The following TMEM108 variants were observed in gnomAD, a reference collection of about 807,000 sequenced individuals.
The protein encoded by TMEM108 is transmembrane protein 108, also known as cancer/testis antigen 124.
A neutral mutation model predicts 35.1 loss-of-function variants in TMEM108; 12 were observed. That is an observed-to-expected ratio of 0.34 (90% CI 0.22 to 0.55). The LOEUF (loss-of-function observed/expected upper bound fraction) is 0.55. TMEM108 is among the 20% of genes least tolerant of loss of function. TMEM108 has a pLI of 0.89. For synonymous variants in TMEM108, 287 were observed against 308.6 expected, an observed-to-expected ratio of 0.93 and a Z score of 0.73; for missense variants, 680 against 753.3, an observed-to-expected ratio of 0.90 and a Z score of 1.14.
intron 2 of TMEM108, among the ~76,000 whole-genome samples, chr3:133,157,323 T>C (rs1356503160): frequency 6.6e-6 from 1 of 152,206 alleles, no homozygotes; most frequent in Non-Finnish European, 1.5e-5. Flanking sequence ...AAAAGTTTAA[T>C]TGGAGGGAAA....
chr3:133,072,550 A>G (rs78048106), intron 2 of TMEM108, among the ~76,000 whole-genome samples: 4,203 of 152,244 alleles, frequency 0.028, 104 homozygotes, highest in South Asian at 0.061. Context: ...AACACAGAAT[A>G]CACGTGGCCA....
chr3:133,226,010 A>G (rs938092973), intron 2 of TMEM108, among the ~76,000 whole-genome samples: 3 of 152,244 alleles, frequency 2.0e-5, no homozygotes, highest in African/African-American at 4.8e-5. Context: ...ACATCAGTCA[A>G]TACATGTGAG....
At chr3:133,192,592 A>G (rs951674168) in intron 2 of TMEM108, among the ~76,000 whole-genome samples, 1 of 152,150 alleles carries the variant, frequency 6.6e-6, no homozygotes, top group African/African-American at 2.4e-5. Context: ...CTAGGAAGCT[A>G]GCATTTCAGT....
At chr3:133,116,716 A>C (rs774165697) in intron 2 of TMEM108, among the ~76,000 whole-genome samples, 5 of 152,202 alleles carry the variant, frequency 3.3e-5, no homozygotes, top group Non-Finnish European at 7.3e-5. Flanking sequence ...CAACTGTATG[A>C]GATACCAGTG....
intron 2 of TMEM108, among the ~76,000 whole-genome samples, chr3:133,065,885 C>T (rs542913946): frequency 9.4e-4 from 143 of 152,140 alleles, no homozygotes; most frequent in African/African-American, 3.3e-3. Flanking sequence ...ATTTTAGTTC[C>T]GTGAACAAGG....
At chr3:133,102,036 C>A (rs1048812595) in intron 2 of TMEM108, among the ~76,000 whole-genome samples, 2 of 152,208 alleles carry the variant, frequency 1.3e-5, no homozygotes, top group African/African-American at 4.8e-5. Flanking sequence ...TCTTTTGATT[C>A]ATATTCATAT....
intron 3 of TMEM108, among the ~76,000 whole-genome samples, chr3:133,370,902 G>A (rs1316336031): frequency 4.2e-5 from 6 of 141,540 alleles, no homozygotes; most frequent in African/African-American, 1.6e-4. Context: ...GTGTGTGTGT[G>A]TGTGTGTGTG....
chr3:133,184,352 C>T (rs1314079615), intron 2 of TMEM108, among the ~76,000 whole-genome samples: 1 of 152,090 alleles, frequency 6.6e-6, no homozygotes, highest in African/African-American at 2.4e-5. Flanking sequence ...AAGACTTTTT[C>T]TTTTCGTATT....
At chr3:133,043,109 A>G (rs1943294014) in intron 1 of TMEM108, among the ~76,000 whole-genome samples, 1 of 152,218 alleles carries the variant, frequency 6.6e-6, no homozygotes, top group Admixed American at 6.5e-5. Context: ...AAAAACTTTC[A>G]TCATCCTAGA....
At chr3:133,166,456 G>T (rs1945038594) in intron 2 of TMEM108, among the ~76,000 whole-genome samples, 1 of 152,246 alleles carries the variant, frequency 6.6e-6, no homozygotes, top group Admixed American at 6.5e-5. Flanking sequence ...GACCCTCGCA[G>T]TGAGCGTTAC....
At chr3:133,333,161 T>C (rs2071418974) in intron 3 of TMEM108, among the ~76,000 whole-genome samples, 1 of 152,182 alleles carries the variant, frequency 6.6e-6, no homozygotes, top group African/African-American at 2.4e-5. Context: ...TCCAGTATAG[T>C]AGCCATACAC....
intron 3 of TMEM108, among the ~76,000 whole-genome samples, chr3:133,352,888 C>T (rs547597519): frequency 6.6e-6 from 1 of 152,096 alleles, no homozygotes; most frequent in Non-Finnish European, 1.5e-5. Flanking sequence ...AACTTCTAAC[C>T]CCTCTCCTCC....
chr3:133,184,183 C>T (rs1204360822), intron 2 of TMEM108, among the ~76,000 whole-genome samples: 2 of 152,140 alleles, frequency 1.3e-5, no homozygotes, highest in Non-Finnish European at 2.9e-5. Flanking sequence ...AAATTTGAAG[C>T]TGGCTTGGAT....
At chr3:133,251,410 A>G (rs1471233118) in intron 3 of TMEM108, among the ~76,000 whole-genome samples, 2 of 152,304 alleles carry the variant, frequency 1.3e-5, no homozygotes, top group Admixed American at 6.5e-5. Flanking sequence ...TCATACAGCC[A>G]ACCAACAGAT....
intron 3 of TMEM108, among the ~76,000 whole-genome samples, chr3:133,295,485 A>G (rs755382759): frequency 3.3e-5 from 5 of 152,266 alleles, no homozygotes; most frequent in Non-Finnish European, 5.9e-5. Context: ...GAAATGAAAC[A>G]TCCTGAGAGC....
intron 3 of TMEM108, among the ~76,000 whole-genome samples, chr3:133,292,433 A>G (rs75509575): frequency 6.6e-6 from 1 of 152,260 alleles, no homozygotes; most frequent in East Asian, 1.9e-4. Context: ...GTTTCGGTTG[A>G]TCTCAGGCTC....
intron 2 of TMEM108, among the ~76,000 whole-genome samples, chr3:133,064,755 A>G (rs573488410): frequency 2.1e-4 from 32 of 152,194 alleles, no homozygotes; most frequent in African/African-American, 7.2e-4. Flanking sequence ...TAGAGGTTCC[A>G]AAGGTAGATT....
intron 2 of TMEM108, among the ~76,000 whole-genome samples, chr3:133,052,108 G>C (rs938488184): frequency 2.6e-5 from 4 of 152,064 alleles, no homozygotes; most frequent in Non-Finnish European, 5.9e-5. Flanking sequence ...TGACAATATT[G>C]AGTCTATAAT....
At chr3:133,331,433 C>T (rs951599737) in intron 3 of TMEM108, among the ~76,000 whole-genome samples, 4 of 152,124 alleles carry the variant, frequency 2.6e-5, no homozygotes, top group African/African-American at 9.7e-5. Context: ...CCTAATGGAA[C>T]ATTCCTCTGA....
Sources: gnomAD v4.1 joint callset for allele counts (sites outside exome capture counted in the v4.1 genomes callset) on GRCh38, gnomAD v4.1.1 for gene constraint, MANE v1.5 for transcripts, NCBI Gene and HGNC (gene_info 2026-07-23, HGNC 2026-07-21) for gene names.